Variants in FEM1B observed in about 807,000 individuals in gnomAD.
The protein encoded by FEM1B is protein fem-1 homolog B.
FEM1B carries 10 observed loss-of-function variants against 38.6 expected under a neutral mutation model. That is an observed-to-expected ratio of 0.26 (90% CI 0.16 to 0.44). The LOEUF is 0.44. Among genes scored for constraint, FEM1B ranks in the 20% least tolerant of loss-of-function variants. The pLI is 1.00. For missense variants in FEM1B, 471 were observed against 786.7 expected (o/e 0.60, Z 4.80); for synonymous variants, 288 against 288.0 (o/e 1.00, Z 0.00).
In FEM1B at chr15:68,281,088, A is replaced by C. The variant is rs1351304239; in HGVS notation, c.248+2423A>C. Among the ~76,000 whole-genome samples, 1 of 152,252 alleles carries C rather than the reference A, an allele frequency of 6.6e-6. No individual in the cohort carries two copies. Among genetic ancestry groups the C allele is most frequent in the Non-Finnish European group, 1.5e-5 (1 of 68,052 alleles). ...CATTTTAGGATTTTAGAACCAAAAA[A>C]GAGTGTGATGATTTCACTTTGCATT... On this transcript the variant is annotated intron_variant, in intron 1 of 1. Coordinates refer to ENST00000306917, the MANE Select transcript of FEM1B (RefSeq NM_015322.5). The surrounding 1 kb of genome is among the most constrained non-coding windows in gnomAD (Gnocchi z 5.1).
In FEM1B at chr15:68,287,562, G is replaced by A. The variant is rs571720506; in HGVS notation, c.249-2045G>A. 3.7e-4 allele frequency among the ~76,000 whole-genome samples: 57 copies of A among 152,300 alleles called. 1 individual carries two copies. The highest frequency in any genetic ancestry group is 2.0e-4 in the Admixed American group (3 of 15,300). ...GTATTTTCAGTAGAAGTGATAAAGG[G>A]TATTGTTTTTTGTGGTGATGTTAAC... On this transcript the variant is annotated intron_variant, in intron 1 of 1. Transcript: ENST00000306917.
chr15:68,289,556 A>G lies in FEM1B; in HGVS notation c.249-51A>G, dbSNP rs1892824607. On this transcript the variant is annotated intron_variant, in intron 1 of 1. Transcript: ENST00000306917. The surrounding 1 kb of genome is among the most constrained non-coding windows in gnomAD (Gnocchi z 6.9). ...GGGAGTGAATACATCCCTTAAACAT[A>G]TGTTAGGCTGTGGCCTCTGTTATCT... is the stretch of plus-strand genomic sequence containing the variant. 1 of 1,376,508 alleles carries G rather than the reference A, an allele frequency of 7.3e-7. No homozygotes were observed. The highest frequency in any genetic ancestry group is 1.0e-6 in the Non-Finnish European group (1 of 974,710). 85.3% of individuals were successfully genotyped at this position (1,376,508 alleles called of 1,614,324 possible). A position where few individuals can be genotyped will look rare whatever the true frequency, so the allele number is the denominator to read the frequency against.
Position 68,277,822 on chromosome 15 carries a change from C to A in FEM1B, c.-596C>A, listed in dbSNP as rs146502335. 0.03 allele frequency: 4,512 copies of A among 152,402 alleles called. 225 individuals are homozygous for A. Among genetic ancestry groups the A allele is most frequent in the African/African-American group, 0.1 (4,313 of 41,570 alleles). The allele number at this position is 152,402 out of a possible 1,614,324, so 9.4% of individuals were successfully genotyped here. A position where few individuals can be genotyped will look rare whatever the true frequency, so the allele number is the denominator to read the frequency against. ...CGGCGCCGCTCTTGCGGGAGCGTTC[C>A]GCATCGCCCCGGGGGCCCCTACGCG... On this transcript the variant is annotated 5_prime_UTR_variant, in exon 1 of 2. Transcript: ENST00000306917.
chr15:68,278,576 A>G lies in FEM1B; in HGVS notation c.159A>G (p.Ala53=). 6.2e-7 allele frequency: 1 copy of G among 1,614,084 alleles called. No individual in the cohort carries two copies. Among genetic ancestry groups the G allele is most frequent in the South Asian group, 1.1e-5 (1 of 91,082 alleles). The change falls in exon 1 of 2, where the codon GCA becomes GCG. Residue 53 remains alanine (A), a synonymous_variant. Coordinates refer to ENST00000306917, the MANE Select transcript of FEM1B (RefSeq NM_015322.5). This position sits in a 1 kb window ranked among gnomAD's most constrained non-coding sequence, Gnocchi z 5.7. ...AGCGCTCCACGCCCCTCATCATCGC[A>G]GCCCGCAATGGACACGCAAAGGTGG... ...GGQRSTPLII[A]ARNGHAKVVR...
At chr15:68,286,520 A>G (rs930002197) in intron 1 of FEM1B, among the ~76,000 whole-genome samples, 2 of 151,656 alleles carry the variant, frequency 1.3e-5, no homozygotes, top group Non-Finnish European at 1.5e-5. Flanking sequence ...ACCTGCTAGG[A>G]TTTTCATTTG....
Position 68,291,262 on chromosome 15 carries a change from C to T in FEM1B, c.*20C>T, listed in dbSNP as rs369702955. On this transcript the variant is annotated 3_prime_UTR_variant, in exon 2 of 2. Coordinates refer to ENST00000306917, the MANE Select transcript of FEM1B (RefSeq NM_015322.5). The surrounding 1 kb of genome is among the most constrained non-coding windows in gnomAD (Gnocchi z 6.9). Reference sequence around the variant, plus strand: ...CATTAAGTGACTGGATATGTAAAGTCGTTTAATGTGGTGCTAAAAAGTAAA... The same window carrying T: ...CATTAAGTGACTGGATATGTAAAGTTGTTTAATGTGGTGCTAAAAAGTAAA... The T allele has an allele frequency of 7.8e-6, 12 of 1,534,916 alleles. No individual in the cohort carries two copies. The highest frequency in any genetic ancestry group is 1.4e-5 in the African/African-American group (1 of 71,950).
chr15:68,294,733 G>C lies in FEM1B; in HGVS notation c.*3491G>C, dbSNP rs764985259. 5.3e-5 allele frequency: 8 copies of C among 152,100 alleles called. No homozygotes were observed. Among genetic ancestry groups the C allele is most frequent in the Non-Finnish European group, 1.2e-4 (8 of 67,998 alleles). 9.4% of individuals were successfully genotyped at this position (152,100 alleles called of 1,614,324 possible). A position where few individuals can be genotyped will look rare whatever the true frequency, so the allele number is the denominator to read the frequency against. On this transcript the variant is annotated 3_prime_UTR_variant, in exon 2 of 2. Coordinates refer to ENST00000306917, the MANE Select transcript of FEM1B (RefSeq NM_015322.5). This position sits in a 1 kb window ranked among gnomAD's most constrained non-coding sequence, Gnocchi z 4.4. ...ACTTGTTTTTTATGATAGATTTTCTGTAAGAATCTTAAATGTTCCTTTTCA... is the reference window on the plus strand; with the variant it reads ...ACTTGTTTTTTATGATAGATTTTCTCTAAGAATCTTAAATGTTCCTTTTCA...
Position 68,290,962 on chromosome 15 carries a change from C to T in FEM1B, c.1604C>T (p.Ala535Val). 1.9e-6 allele frequency: 3 copies of T among 1,614,170 alleles called. No homozygotes were observed. The highest frequency in any genetic ancestry group is 2.5e-6 in the Non-Finnish European group (3 of 1,180,016). ...VNAVDNEGNSALHIIVQYNRP... is the reference protein window; with the variant it reads ...VNAVDNEGNSVLHIIVQYNRP... ...GCCGTGGACAATGAGGGAAACAGTG[C>T]CCTTCATATTATCGTTCAGTACAAC... The change falls in exon 2 of 2, where the codon GCC (alanine) becomes GTC (valine). Residue 535 changes from alanine to valine, a missense_variant. Ala to Val is a moderately conservative substitution (Grantham distance 64, BLOSUM62 0). Around this residue, in one of 3 missense-constraint regions of FEM1B, gnomAD observed 380 missense variants for 599.6 expected, o/e 0.63. Coordinates refer to ENST00000306917, the MANE Select transcript of FEM1B (RefSeq NM_015322.5). This position sits in a 1 kb window ranked among gnomAD's most constrained non-coding sequence, Gnocchi z 9.7.
intron 1 of FEM1B, among the ~76,000 whole-genome samples, chr15:68,282,349 C>T (rs1031176527): frequency 6.6e-6 from 1 of 152,092 alleles, no homozygotes; most frequent in Non-Finnish European, 1.5e-5. Context: ...TATTTGACTT[C>T]ATTTAGAAAG....
rs1310740840 is a variant in FEM1B, at chr15:68,280,309, A to C, written c.248+1644A>C. The C allele has an allele frequency of 6.6e-6, 1 of 152,190 alleles. No individual in the cohort carries two copies. The highest frequency in any genetic ancestry group is 6.5e-5 in the Admixed American group (1 of 15,270). The allele number at this position is 152,190 out of a possible 1,614,324, so 9.4% of individuals were successfully genotyped here. On this transcript the variant is annotated intron_variant, in intron 1 of 1. Coordinates refer to ENST00000306917, the MANE Select transcript of FEM1B (RefSeq NM_015322.5). The surrounding 1 kb of genome is among the most constrained non-coding windows in gnomAD (Gnocchi z 4.2). The stretch of plus-strand genomic sequence containing the variant: ...AAATTAATGAGTTCGGTAAGTAAAC[A>C]TTTATTGAACACCTACTGCGTGCTA...
rs149005836 is a variant in FEM1B at position 68,283,806 on chromosome 15, A to G, written c.248+5141A>G. On this transcript the variant is annotated intron_variant, in intron 1 of 1. Transcript: ENST00000306917. ...TTAAATTGAAACAAATGTTTGAACA[A>G]TGATGTGTACTATGTTTCCTTACGT... is the stretch of plus-strand genomic sequence containing the variant. 5.9e-4 allele frequency among the ~76,000 whole-genome samples: 90 copies of G among 152,184 alleles called. 1 individual carries two copies. The East Asian group carries it at 0.013, about 22-fold the overall frequency.
At position 68,295,074 on chromosome 15, in the gene FEM1B, ATAC is replaced by A. The variant is rs973298435; in HGVS notation, c.*3836_*3838del. ...CCCCCAAATAAGGGATCTGAAATAAATACTACACTATTGATAGTGGAGATATAT... is the reference window on the plus strand; with the variant it reads ...CCCCCAAATAAGGGATCTGAAATAAATACACTATTGATAGTGGAGATATAT... On this transcript the variant is annotated 3_prime_UTR_variant, in exon 2 of 2. Coordinates refer to ENST00000306917, the MANE Select transcript of FEM1B (RefSeq NM_015322.5). The A allele has an allele frequency of 3.9e-5, 6 of 152,344 alleles. No homozygotes were observed. The East Asian group carries it at 5.8e-4, about 15-fold the overall frequency. The allele number at this position is 152,344 out of a possible 1,614,324, so 9.4% of individuals were successfully genotyped here.
At chr15:68,283,252 G>A (rs1015820052) in intron 1 of FEM1B, among the ~76,000 whole-genome samples, 3 of 151,976 alleles carry the variant, frequency 2.0e-5, no homozygotes, top group Admixed American at 2.0e-4. Flanking sequence ...TGAGGGTAAT[G>A]CTTTTCCTAT....
intron 1 of FEM1B, among the ~76,000 whole-genome samples, chr15:68,287,122 C>T (rs1458134880): frequency 6.6e-6 from 1 of 152,172 alleles, no homozygotes; most frequent in Non-Finnish European, 1.5e-5. Context: ...AACTCCTGAC[C>T]TCCGGTGATC....
chr15:68,282,738 T>G (rs1892742389), intron 1 of FEM1B, among the ~76,000 whole-genome samples: 1 of 152,348 alleles, frequency 6.6e-6, no homozygotes, highest in Non-Finnish European at 1.5e-5. Flanking sequence ...AAATACTGCA[T>G]TAATTTTATT....
intron 1 of FEM1B, among the ~76,000 whole-genome samples, chr15:68,285,527 C>T (rs1892775528): frequency 6.6e-6 from 1 of 152,226 alleles, no homozygotes; most frequent in Non-Finnish European, 1.5e-5. Flanking sequence ...TTGCTCAACA[C>T]TTATTATTGC....
intron 1 of FEM1B, among the ~76,000 whole-genome samples, chr15:68,282,119 T>C (rs1892735422): frequency 6.6e-6 from 1 of 152,176 alleles, no homozygotes; most frequent in South Asian, 2.1e-4. Context: ...CATATGACCA[T>C]GAAACATTGT....
At position 68,290,256 on chromosome 15, in the gene FEM1B, C is replaced by T; in HGVS notation, c.898C>T (p.His300Tyr). 1 of 1,614,064 alleles carries T rather than the reference C, an allele frequency of 6.2e-7. No homozygotes were observed. Among genetic ancestry groups the T allele is most frequent in the Non-Finnish European group, 8.5e-7 (1 of 1,180,022 alleles). ...ILEKEVLPPIHAYGNRTECRN... is the reference protein window; with the variant it reads ...ILEKEVLPPIYAYGNRTECRN... ...CGAAAAAGAGGTTCTTCCACCAATCCATGCTTATGGGAATAGAACTGAATG... is the reference window on the plus strand; with the variant it reads ...CGAAAAAGAGGTTCTTCCACCAATCTATGCTTATGGGAATAGAACTGAATG... The change falls in exon 2 of 2, where the codon CAT (histidine) becomes TAT (tyrosine). Residue 300 changes from histidine (H) to tyrosine (Y), a missense_variant. His to Tyr is a moderately conservative substitution (Grantham distance 83, BLOSUM62 2). Coordinates refer to ENST00000306917, the MANE Select transcript of FEM1B (RefSeq NM_015322.5). The surrounding 1 kb of genome is among the most constrained non-coding windows in gnomAD (Gnocchi z 9.7).
At position 68,284,084 on chromosome 15, in the gene FEM1B, C is replaced by T. The variant is rs541891846; in HGVS notation, c.248+5419C>T. ...ATTTTTAGTAGAGATGGGGTTTTTC[C>T]GTGTTGGTCAGGCTGGTCTTGAACT... On this transcript the variant is annotated intron_variant, in intron 1 of 1. Transcript: ENST00000306917. The surrounding 1 kb of genome is among the most constrained non-coding windows in gnomAD (Gnocchi z 4.4). Among the ~76,000 whole-genome samples the T allele has an allele frequency of 7.1e-4, 108 of 152,152 alleles. 2 individuals carry two copies. Among genetic ancestry groups the T allele is most frequent in the Admixed American group, 3.1e-3 (47 of 15,286 alleles).
Sources: allele counts gnomAD v4.1 joint callset (sites outside exome capture counted in the v4.1 genomes callset), GRCh38; gene constraint gnomAD v4.1.1; regional missense constraint gnomAD v4.1.1; non-coding constraint Gnocchi (gnomAD v3.1); transcripts MANE v1.5; gene names NCBI Gene and HGNC (gene_info 2026-07-23, HGNC 2026-07-21).